PPM1E: variants seen among roughly 807,000 people sequenced by gnomAD.
PPM1E encodes protein phosphatase 1E.
In PPM1E, 20 loss-of-function variants were observed where a neutral mutation model predicts 65.9. The ratio of observed to expected loss-of-function variants is 0.30; its 90% CI spans 0.21 to 0.44. The LOEUF is 0.44. Ranked by LOEUF, PPM1E falls within the 20% of genes least tolerant of loss-of-function variation. The pLI, the probability that PPM1E is intolerant of heterozygous loss-of-function variation, is 1.00. For missense variants in PPM1E, 713 were observed against 953.1 expected (o/e 0.75, Z 3.32); for synonymous variants, 352 against 374.9 (o/e 0.94, Z 0.70).
intron 1 of PPM1E, among the ~76,000 whole-genome samples, chr17:58,759,028 C>A (rs1200172948): frequency 6.6e-6 from 1 of 152,106 alleles, no homozygotes; most frequent in Non-Finnish European, 1.5e-5. Context: ...CAAGATCCTA[C>A]TGCTGTCCAT....
At chr17:58,766,446 C>T (rs764128601) in intron 1 of PPM1E, among the ~76,000 whole-genome samples, 3 of 151,604 alleles carry the variant, frequency 2.0e-5, no homozygotes, top group South Asian at 2.1e-4. Context: ...ATGTTCTGTC[C>T]GCCTCAGCCT....
At chr17:58,836,986 C>G (rs1391889906) in intron 1 of PPM1E, among the ~76,000 whole-genome samples, 5 of 144,146 alleles carry the variant, frequency 3.5e-5, no homozygotes, top group Non-Finnish European at 7.5e-5. Context: ...CGCCACTGCA[C>G]TCCAGCCTGG....
intron 1 of PPM1E, among the ~76,000 whole-genome samples, chr17:58,944,102 A>C (rs778373265): frequency 4.0e-5 from 6 of 151,364 alleles, no homozygotes; most frequent in Non-Finnish European, 7.4e-5. Flanking sequence ...CCTATCCCCT[A>C]TCAGTTACTG....
intron 3 of PPM1E, among the ~76,000 whole-genome samples, chr17:58,968,640 C>G (rs150271852): frequency 4.3e-4 from 66 of 152,286 alleles, no homozygotes; most frequent in African/African-American, 1.5e-3. Flanking sequence ...TTATTACATA[C>G]TGTTGCCTGA....
chr17:58,824,217 C>A (rs763208170), intron 1 of PPM1E, among the ~76,000 whole-genome samples: 15 of 152,098 alleles, frequency 9.9e-5, no homozygotes, highest in Non-Finnish European at 2.1e-4. Flanking sequence ...TCAGTCAATA[C>A]ATTTATTTAT....
chr17:58,963,094 GA>G (rs539705654), intron 2 of PPM1E, among the ~76,000 whole-genome samples: 8 of 146,632 alleles, frequency 5.5e-5, no homozygotes, highest in African/African-American at 1.8e-4. Flanking sequence ...CTTATTTAAA[GA>G]AAAAAAAAGC....
intron 1 of PPM1E, among the ~76,000 whole-genome samples, chr17:58,821,851 C>T (rs575328586): frequency 6.6e-6 from 1 of 152,152 alleles, no homozygotes; most frequent in Non-Finnish European, 1.5e-5. Context: ...ACTGTCCTTT[C>T]CCAAATTTCT....
intron 1 of PPM1E, among the ~76,000 whole-genome samples, chr17:58,923,911 C>CTTTT (rs751578623): frequency 4.6e-5 from 3 of 64,850 alleles, no homozygotes; most frequent in African/African-American, 6.4e-5. Flanking sequence ...AAGACCCCCT[C>CTTTT]TTTTTTTTTT....
intron 1 of PPM1E, among the ~76,000 whole-genome samples, chr17:58,886,189 A>G (rs901196852): frequency 1.3e-5 from 2 of 152,212 alleles, no homozygotes; most frequent in Non-Finnish European, 2.9e-5. Flanking sequence ...CTTTTAAATT[A>G]TGTTGCCATC....
intron 1 of PPM1E, among the ~76,000 whole-genome samples, chr17:58,893,623 T>C (rs763522463): frequency 2.0e-5 from 3 of 152,114 alleles, no homozygotes; most frequent in Non-Finnish European, 2.9e-5. Context: ...GATGTGGAAT[T>C]TGGGTCAATG....
At chr17:58,942,175 TAGG>T (rs1254615578) in intron 1 of PPM1E, among the ~76,000 whole-genome samples, 3 of 151,668 alleles carry the variant, frequency 2.0e-5, no homozygotes, top group African/African-American at 7.3e-5. Context: ...CGCTTGAGAG[TAGG>T]AGTTCGAGAC....
At chr17:58,894,316 A>G (rs1203062671) in intron 1 of PPM1E, among the ~76,000 whole-genome samples, 1 of 152,150 alleles carries the variant, frequency 6.6e-6, no homozygotes, top group Non-Finnish European at 1.5e-5. Flanking sequence ...TTTTTAAAAA[A>G]TTGATTCAAG....
At chr17:58,832,171 C>T (rs569424715) in intron 1 of PPM1E, among the ~76,000 whole-genome samples, 1 of 152,040 alleles carries the variant, frequency 6.6e-6, no homozygotes, top group Non-Finnish European at 1.5e-5. Flanking sequence ...TCTTCTCTAG[C>T]GTAGAGATAA....
intron 1 of PPM1E, among the ~76,000 whole-genome samples, chr17:58,905,940 C>T (rs755876861): frequency 1.3e-5 from 2 of 151,986 alleles, no homozygotes; most frequent in Admixed American, 1.3e-4. Flanking sequence ...TCCAGTGAAC[C>T]TATCTGGTTT....
chr17:58,983,007 T>G lies in PPM1E; in HGVS notation c.*1976T>G. On this transcript the variant is annotated 3_prime_UTR_variant, in exon 7 of 7. Transcript: ENST00000308249. Reference sequence around the variant, plus strand: ...TAGCGAAGTAAAAAAAAAAGCTTTTTAAAATTTCTATTGTTGTCTATTGGT... The same window carrying G: ...TAGCGAAGTAAAAAAAAAAGCTTTTGAAAATTTCTATTGTTGTCTATTGGT... 2 of 1,259,968 alleles carry G rather than the reference T, an allele frequency of 1.6e-6. No homozygotes were observed. The highest frequency in any genetic ancestry group is 1.5e-5 in the African/African-American group (1 of 66,128). The allele number at this position is 1,259,968 out of a possible 1,614,324, so 78.0% of individuals were successfully genotyped here.
intron 1 of PPM1E, among the ~76,000 whole-genome samples, chr17:58,827,585 C>T (rs2050551895): frequency 6.6e-6 from 1 of 151,982 alleles, no homozygotes; most frequent in African/African-American, 2.4e-5. Flanking sequence ...AGGAGTGGGA[C>T]ATGAGAACCT....
At chr17:58,978,556 T>C (rs1318158255) in intron 6 of PPM1E, among the ~76,000 whole-genome samples, 2 of 151,804 alleles carry the variant, frequency 1.3e-5, no homozygotes, top group Non-Finnish European at 2.9e-5. Context: ...AATAAAAATA[T>C]AAAAATTAGC....
At chr17:58,768,573 G>A (rs1469247167) in intron 1 of PPM1E, among the ~76,000 whole-genome samples, 2 of 152,196 alleles carry the variant, frequency 1.3e-5, no homozygotes, top group Admixed American at 1.3e-4. Context: ...ATAGATAAGA[G>A]CCGTCTAAGG....
chr17:58,792,716 ATTATT>A lies in PPM1E; in HGVS notation c.464+36265_464+36269del, dbSNP rs937374902. Among the ~76,000 whole-genome samples the A allele has an allele frequency of 1.2e-4, 13 of 112,450 alleles. No homozygotes were observed. The East Asian group carries it at 4.6e-3, about 40-fold the overall frequency. The allele number at this position is 112,450 out of a possible 152,430, so 73.8% of individuals were successfully genotyped here. A position where few individuals can be genotyped will look rare whatever the true frequency, so the allele number is the denominator to read the frequency against. On this transcript the variant is annotated intron_variant, in intron 1 of 6. Coordinates refer to ENST00000308249, the MANE Select transcript of PPM1E (RefSeq NM_014906.5). Reference sequence around the variant, plus strand: ...ATGGCTATAAATACTTGGAACAGTTATTATTTTATTTTATAAGAATTTTACTCTTT... The same window carrying A: ...ATGGCTATAAATACTTGGAACAGTTATTATTTTATAAGAATTTTACTCTTT...
Sources: allele counts gnomAD v4.1 joint callset (sites outside exome capture counted in the v4.1 genomes callset), GRCh38; gene constraint gnomAD v4.1.1; transcripts MANE v1.5; gene names NCBI Gene and HGNC (gene_info 2026-07-23, HGNC 2026-07-21).